The following TPP2 variants were observed in gnomAD, a reference collection of about 807,000 sequenced individuals.
TPP2 encodes the protein tripeptidyl-peptidase 2.
Under a neutral mutation model 155.9 loss-of-function variants are expected in TPP2, and 34 were observed. The observed-to-expected ratio is 0.22, with a 90% confidence interval of 0.17 to 0.29. The LOEUF (loss-of-function observed/expected upper bound fraction) is 0.29. Ranked by LOEUF, TPP2 falls within the 10% of genes least tolerant of loss-of-function variation. The pLI is 1.00. For missense variants in TPP2, 1,028 were observed against 1,522.3 expected (o/e 0.68, Z 5.40); for synonymous variants, 510 against 529.4 (o/e 0.96, Z 0.50).
At chr13:102,629,429 C>T in intron 8 of TPP2, 53 bp from the exon 9 acceptor site, 1 of 1,439,428 alleles carries the variant, frequency 6.9e-7, no homozygotes, top group South Asian at 1.7e-5. Context: ...GTACTATATA[C>T]ACTTTGGGAA....
intron 3 of TPP2, 120 bp from the exon 4 acceptor site, chr13:102,616,276 C>A: frequency 1.3e-6 from 1 of 750,742 alleles, no homozygotes; most frequent in Non-Finnish European, 2.1e-6. Flanking sequence ...TTTTTAAAAC[C>A]TCTCTATGAG....
intron 29 of TPP2, 137 bp downstream of exon 29, chr13:102,676,552 T>C (rs1002644993): frequency 2.6e-5 from 27 of 1,036,674 alleles, no homozygotes; most frequent in Non-Finnish European, 3.5e-5. Context: ...TAGCGTAATA[T>C]GAACTATAGA....
intron 3 of TPP2, among the ~76,000 whole-genome samples, chr13:102,614,553 C>G (rs568024544): frequency 1.3e-5 from 2 of 152,274 alleles, no homozygotes; most frequent in South Asian, 2.1e-4. Context: ...AAAATCCAGA[C>G]CACCTTTTCG....
At chr13:102,674,774 TTAAG>T in intron 28 of TPP2, among the ~76,000 whole-genome samples, 1 of 152,340 alleles carries the variant, frequency 6.6e-6, no homozygotes, top group Middle Eastern at 3.4e-3. Flanking sequence ...TGTAGCTAAA[TTAAG>T]AAAGTCTTCT....
intron 29 of TPP2, 133 bp from the exon 30 acceptor site, chr13:102,678,094 T>TA (rs1885405149): frequency 1.2e-6 from 1 of 842,344 alleles, no homozygotes; most frequent in Non-Finnish European, 1.7e-6. Context: ...AATGGGTGGG[T>TA]GACGGTTGGT....
intron 5 of TPP2, 129 bp downstream of exon 5, chr13:102,618,975 G>A (rs1056717974): frequency 8.5e-7 from 1 of 1,171,492 alleles, no homozygotes; most frequent in Non-Finnish European, 1.1e-6. Context: ...ATCATTTAAG[G>A]GCCAAATTGG....
At chr13:102,631,920 A>G (rs1363788680) in intron 10 of TPP2, among the ~76,000 whole-genome samples, 1 of 152,230 alleles carries the variant, frequency 6.6e-6, no homozygotes, top group East Asian at 1.9e-4. Context: ...ACTTCCAGGC[A>G]TTTGCACGTG....
At position 102,678,425 on chromosome 13, in the gene TPP2, G is replaced by A. The variant is rs1804547; in HGVS notation, c.*109G>A. 1.2e-6 allele frequency: 1 copy of A among 817,664 alleles called. No individual in the cohort carries two copies. The highest frequency in any genetic ancestry group is 1.9e-6 in the Non-Finnish European group (1 of 516,042). The allele number at this position is 817,664 out of a possible 1,614,324, so 50.7% of individuals were successfully genotyped here. Reference sequence around the variant, plus strand: ...AATGCATGTTTTCATCCACTATCCAGTACTGATTATTAAAATGACATGTAT... The same window carrying A: ...AATGCATGTTTTCATCCACTATCCAATACTGATTATTAAAATGACATGTAT... On this transcript the variant is annotated 3_prime_UTR_variant, in exon 30 of 30. Coordinates refer to ENST00000376052, the MANE Select transcript of TPP2 (RefSeq NM_001330588.2).
intron 8 of TPP2, 142 bp from the exon 9 acceptor site, chr13:102,629,340 A>T: frequency 1.1e-6 from 1 of 937,280 alleles, no homozygotes; most frequent in Non-Finnish European, 1.4e-6. Flanking sequence ...AGGGTATATC[A>T]CTTAGAATGG....
At chr13:102,663,495 A>G (rs547302558) in intron 25 of TPP2, among the ~76,000 whole-genome samples, 153 bp from the exon 26 acceptor site, 1 of 152,326 alleles carries the variant, frequency 6.6e-6, no homozygotes, top group East Asian at 1.9e-4. Context: ...CTACTTGCCA[A>G]TAATGATAAT....
At chr13:102,620,009 A>T (rs747200971) in intron 5 of TPP2, among the ~76,000 whole-genome samples, 1 of 152,240 alleles carries the variant, frequency 6.6e-6, no homozygotes, top group Non-Finnish European at 1.5e-5. Context: ...TATTTAGGAA[A>T]GTATATACTA....
At chr13:102,669,384 T>C (rs1205223973) in intron 27 of TPP2, among the ~76,000 whole-genome samples, 1 of 152,192 alleles carries the variant, frequency 6.6e-6, no homozygotes, top group Non-Finnish European at 1.5e-5. Context: ...AATTTTGAGC[T>C]GGCATAAGCT....
chr13:102,666,870 C>T (rs894986374), intron 27 of TPP2, among the ~76,000 whole-genome samples: 1 of 141,658 alleles, frequency 7.1e-6, no homozygotes, highest in East Asian at 2.2e-4. Context: ...AGAAAAGAAG[C>T]CATAAAACTT....
In TPP2 at chr13:102,637,039, G is replaced by GA. The variant is rs765525564; in HGVS notation, c.1679-36dup. The GA allele has an allele frequency of 7.8e-6, 12 of 1,541,916 alleles. No individual in the cohort carries two copies. In the Admixed American group the frequency reaches 1.4e-4, roughly 18 times the overall value. ...TGTAACATTTTTAAATGGAAAAAAG[G>GA]AAAAAAATACTCATCTTTAATTTTT... On this transcript the variant is annotated intron_variant, in intron 13 of 29. Transcript: ENST00000376052.
chr13:102,636,715 T>C (rs1326112414), intron 13 of TPP2, among the ~76,000 whole-genome samples: 1 of 152,210 alleles, frequency 6.6e-6, no homozygotes, highest in Non-Finnish European at 1.5e-5. Flanking sequence ...GAGCTTTCTG[T>C]TGAAGAATGA....
At chr13:102,644,379 A>G (rs1363506109) in intron 17 of TPP2, among the ~76,000 whole-genome samples, 178 bp from the exon 18 acceptor site, 1 of 152,236 alleles carries the variant, frequency 6.6e-6, no homozygotes, top group Non-Finnish European at 1.5e-5. Flanking sequence ...TAAATACACC[A>G]TATCTCTGCA....
chr13:102,644,724 T>A (rs768003556), intron 18 of TPP2, 51 bp downstream of exon 18: 1 of 1,510,772 alleles, frequency 6.6e-7, no homozygotes, highest in East Asian at 2.3e-5. Context: ...CTTGTGTTAC[T>A]GGAGAGTAAC....
Position 102,664,685 on chromosome 13 carries a change from G to T in TPP2, c.3241-110G>T, listed in dbSNP as rs188830091. The T allele has an allele frequency of 2.6e-4, 295 of 1,121,538 alleles. 1 individual carries two copies. In the African/African-American group the frequency reaches 4.4e-3, roughly 17 times the overall value. The allele number at this position is 1,121,538 out of a possible 1,614,324, so 69.5% of individuals were successfully genotyped here. On this transcript the variant is annotated intron_variant, in intron 26 of 29. Transcript: ENST00000376052. The stretch of plus-strand genomic sequence containing the variant: ...CCCTGGGCTACAAGTCAATTACATA[G>T]TTTACTCACACTGCAGTTGTAGGTC...
intron 23 of TPP2, 124 bp from the exon 24 acceptor site, chr13:102,651,235 C>A: frequency 1.0e-6 from 1 of 1,004,318 alleles, no homozygotes. Flanking sequence ...TAATCACAGA[C>A]CTGAGCCTTC....
Sources: gnomAD v4.1 joint callset for allele counts (sites outside exome capture counted in the v4.1 genomes callset) on GRCh38, gnomAD v4.1.1 for gene constraint, MANE v1.5 for transcripts, NCBI Gene and HGNC (gene_info 2026-07-23, HGNC 2026-07-21) for gene names.